NPRL3: variants seen among roughly 807,000 people sequenced by gnomAD.
NPRL3 encodes GATOR1 complex protein NPRL3.
A neutral mutation model predicts 57.2 loss-of-function variants in NPRL3; 23 were observed. The observed-to-expected ratio is 0.40, with a 90% CI of 0.29 to 0.57. NPRL3 has a LOEUF of 0.57. Ranked by LOEUF, NPRL3 falls within the 20% of genes least tolerant of loss-of-function variation. NPRL3 has a pLI of 0.42. For synonymous variants in NPRL3, 333 were observed against 321.1 expected (o/e 1.04, Z -0.39); for missense variants, 691 against 767.1 (o/e 0.90, Z 1.17).
rs118053234 is a variant in NPRL3 at position 136,927 on chromosome 16, T to C, written c.118+1223A>G. Among the ~76,000 whole-genome samples the C allele has an allele frequency of 1.5e-4, 22 of 150,526 alleles. No homozygotes were observed. The East Asian group carries it at 4.2e-3, about 29-fold the overall frequency. ...AAAATACAAAATAAAAACTGAACAG[T>C]CCGGGTGCGGTGGCTCACACCTGTA... On this transcript the variant is annotated intron_variant, in intron 2 of 13. Coordinates refer to ENST00000611875, the MANE Select transcript of NPRL3 (RefSeq NM_001077350.3).
intron 6 of NPRL3, among the ~76,000 whole-genome samples, chr16:111,590 C>G (rs954012965): frequency 1.3e-5 from 2 of 152,018 alleles, no homozygotes; most frequent in East Asian, 3.9e-4. Context: ...GCTGGAACTA[C>G]GGGCACATAT....
At chr16:104,554 G>A (rs533638480) in intron 7 of NPRL3, among the ~76,000 whole-genome samples, 1 of 152,186 alleles carries the variant, frequency 6.6e-6, no homozygotes, top group African/African-American at 2.4e-5. Flanking sequence ...CAGTCATGTG[G>A]TCTGGTTTGT....
intron 10 of NPRL3, 21 bp downstream of exon 10, chr16:93,198 C>T: frequency 6.7e-7 from 1 of 1,490,384 alleles, no homozygotes; most frequent in Non-Finnish European, 9.2e-7. Context: ...GCTCCAGGCT[C>T]TGGCAGCCAG....
chr16:88,145 A>C (rs1158187976), intron 13 of NPRL3, among the ~76,000 whole-genome samples: 1 of 152,162 alleles, frequency 6.6e-6, no homozygotes, highest in Admixed American at 6.5e-5. Flanking sequence ...ATCACCTTTA[A>C]CATGGGGGAC....
At chr16:127,947 G>A (rs977400530) in intron 3 of NPRL3, among the ~76,000 whole-genome samples, 6 of 151,602 alleles carry the variant, frequency 4.0e-5, no homozygotes, top group South Asian at 4.2e-4. Flanking sequence ...GAGCCACTGC[G>A]CCCGGCCGCA....
chr16:116,274 G>T (rs2141955662), intron 5 of NPRL3, among the ~76,000 whole-genome samples: 1 of 152,284 alleles, frequency 6.6e-6, no homozygotes, highest in East Asian at 1.9e-4. Context: ...GTGTTGACAG[G>T]TGGACAACAT....
chr16:123,387 G>A (rs1900362868), intron 3 of NPRL3: 1 of 441,736 alleles, frequency 2.3e-6, no homozygotes, highest in Non-Finnish European at 4.8e-6. Context: ...TGAGGTCCAC[G>A]CCTGTGTGCC....
chr16:94,852 T>G (rs1898920606), intron 9 of NPRL3, among the ~76,000 whole-genome samples: 1 of 152,150 alleles, frequency 6.6e-6, no homozygotes, highest in Non-Finnish European at 1.5e-5. Flanking sequence ...CTCAGCATAG[T>G]GGTCTCCACC....
At chr16:111,456 A>AT (rs1006253066) in intron 6 of NPRL3, among the ~76,000 whole-genome samples, 38 of 148,860 alleles carry the variant, frequency 2.6e-4, no homozygotes, top group East Asian at 5.9e-4. Context: ...TTATTTATTT[A>AT]TTTTTTTTTT....
intron 13 of NPRL3, among the ~76,000 whole-genome samples, chr16:87,615 A>C (rs2541621): frequency 1 from 149,782 of 149,796 alleles, 74,884 homozygotes; most frequent in Middle Eastern, 1. Flanking sequence ...GCTCACTGCA[A>C]CTCCCGCCTT....
At chr16:100,138 C>T (rs970773571) in intron 8 of NPRL3, among the ~76,000 whole-genome samples, 10 of 151,998 alleles carry the variant, frequency 6.6e-5, no homozygotes, top group Admixed American at 3.3e-4. Context: ...CCTGCCCAAG[C>T]CTAAGGTGGT....
At chr16:106,832 C>T (rs988960422) in intron 7 of NPRL3, among the ~76,000 whole-genome samples, 2 of 152,020 alleles carry the variant, frequency 1.3e-5, no homozygotes, top group African/African-American at 4.8e-5. Context: ...ACTCAGTCTC[C>T]TCCTCTCAGT....
intron 2 of NPRL3, among the ~76,000 whole-genome samples, chr16:137,770 G>A (rs1901176650): frequency 6.6e-6 from 1 of 151,378 alleles, no homozygotes; most frequent in South Asian, 2.1e-4. Context: ...CAACCATGTT[G>A]GCCAGGCTGG....
chr16:93,897 G>C (rs1898875574), intron 9 of NPRL3, among the ~76,000 whole-genome samples: 1 of 152,096 alleles, frequency 6.6e-6, no homozygotes, highest in Non-Finnish European at 1.5e-5. Flanking sequence ...TGTGCTGTTT[G>C]GTGGCACTGT....
chr16:104,984 T>C (rs1899466124), intron 7 of NPRL3, among the ~76,000 whole-genome samples: 1 of 152,276 alleles, frequency 6.6e-6, no homozygotes, highest in South Asian at 2.1e-4. Context: ...ACAAGCAGGG[T>C]TTGGGCCCTG....
At chr16:112,889 C>T (rs1409220824) in intron 5 of NPRL3, 114 bp from the exon 6 acceptor site, 9 of 1,015,644 alleles carry the variant, frequency 8.9e-6, no homozygotes, top group East Asian at 5.7e-5. Flanking sequence ...TGAAAGAAAG[C>T]GTCTCTACTC....
At chr16:132,668 CTTTT>C (rs869062857) in intron 2 of NPRL3, among the ~76,000 whole-genome samples, 3 of 120,274 alleles carry the variant, frequency 2.5e-5, no homozygotes, top group Non-Finnish European at 1.7e-5. Context: ...AATTGTATTT[CTTTT>C]TTTTTTTTTT....
chr16:110,414 C>G lies in NPRL3; in HGVS notation c.629+111G>C, dbSNP rs183923752. The G allele has an allele frequency of 2.2e-3, 1,708 of 786,656 alleles. 15 individuals are homozygous for G. The highest frequency in any genetic ancestry group is 0.019 in the African/African-American group (1,140 of 58,570). The allele number at this position is 786,656 out of a possible 1,614,324, so 48.7% of individuals were successfully genotyped here. On this transcript the variant is annotated intron_variant, in intron 7 of 13. Coordinates refer to ENST00000611875, the MANE Select transcript of NPRL3 (RefSeq NM_001077350.3). ...CTCAGGGAACCCTGATGCTCACACC[C>G]CAGGAGAACAGTGGTCAGTACCGGG... is the stretch of plus-strand genomic sequence containing the variant.
intron 8 of NPRL3, among the ~76,000 whole-genome samples, chr16:99,557 C>T (rs576873704): frequency 1.3e-5 from 2 of 149,572 alleles, no homozygotes; most frequent in East Asian, 2.0e-4. Flanking sequence ...GCAGGAGAAT[C>T]GCTTGAACCC....
Sources: gnomAD v4.1 joint callset for allele counts (sites outside exome capture counted in the v4.1 genomes callset) on GRCh38, gnomAD v4.1.1 for gene constraint, MANE v1.5 for transcripts, NCBI Gene and HGNC (gene_info 2026-07-23, HGNC 2026-07-21) for gene names.